The following ABCC10 variants were observed in gnomAD, a reference collection of about 807,000 sequenced individuals.
The protein encoded by ABCC10 is ATP binding cassette subfamily C member 10.
A neutral mutation model predicts 143.2 loss-of-function variants in ABCC10; 110 were observed. The observed-to-expected ratio is 0.77, with a 90% CI of 0.66 to 0.90. ABCC10 has a LOEUF of 0.90. Ranked by LOEUF, ABCC10 falls within the 40% of genes least tolerant of loss-of-function variation. The pLI is 0.00. For missense variants in ABCC10, 1,700 were observed against 1,900.5 expected, an observed-to-expected ratio of 0.89 and a Z score of 1.96; for synonymous variants, 805 against 846.7, an observed-to-expected ratio of 0.95 and a Z score of 0.85.
At chr6:43,445,089 G>C (rs1782891955) in intron 13 of ABCC10, 36 bp from the exon 14 acceptor site, 3 of 1,609,924 alleles carry the variant, frequency 1.9e-6, no homozygotes, top group African/African-American at 1.3e-5. Flanking sequence ...AGTGGCCCTA[G>C]TTTTGGTTAC....
intron 18 of ABCC10, 181 bp downstream of exon 18, chr6:43,448,118 T>C: frequency 1.0e-6 from 1 of 968,264 alleles, no homozygotes; most frequent in Non-Finnish European, 1.6e-6. Context: ...TCCAGATTCA[T>C]GGCTGGTGAT....
chr6:43,448,887 G>T lies in ABCC10; in HGVS notation c.3966G>T (p.Gln1322His), dbSNP rs774179583. 1 of 1,612,122 alleles carries T rather than the reference G, an allele frequency of 6.2e-7. No homozygotes were observed. The highest frequency in any genetic ancestry group is 8.5e-7 in the Non-Finnish European group (1 of 1,179,274). Reference protein sequence around the residue: ...SQLELAQLRSQLAIIPQEPFL... With the variant: ...SQLELAQLRSHLAIIPQEPFL... ...CCATGTCATTGTCCCCCAGATCCCA[G>T]TTGGCTATCATCCCCCAGGAGCCCT... is the stretch of plus-strand genomic sequence containing the variant. The change falls in exon 19 of 22, where the codon CAG becomes CAT. Residue 1322 changes from glutamine (Q) to histidine (H), a missense_variant. Physicochemically the swap from Gln to His is conservative, Grantham distance 24. Coordinates refer to ENST00000372530, the MANE Select transcript of ABCC10 (RefSeq NM_001198934.2).
Position 43,427,763 on chromosome 6 carries a change from T to TGACC in ABCC10, c.-12+7_-12+10dup. ...GGGGAAAAACAGATGGCAAGGTGGG[T>TGACC]GACCAGCGTCCAGAAATCCACTGGG... On this transcript the variant is annotated splice_region_variant and intron_variant, in intron 1 of 21. Coordinates refer to ENST00000372530, the MANE Select transcript of ABCC10 (RefSeq NM_001198934.2). 1 of 612,494 alleles carries TGACC rather than the reference T, an allele frequency of 1.6e-6. No homozygotes were observed. Among genetic ancestry groups the TGACC allele is most frequent in the South Asian group, 1.9e-5 (1 of 51,962 alleles). 37.9% of individuals were successfully genotyped at this position (612,494 alleles called of 1,614,324 possible).
rs150253600 is a variant in ABCC10 at position 43,447,294 on chromosome 6, G to C, written c.3591G>C (p.Leu1197=). The change falls in exon 17 of 22, where the codon CTG becomes CTC. Residue 1197 remains leucine (L), a synonymous_variant. Transcript: ENST00000372530. The part of the protein sequence containing the change: ...SLSYALSLTG[L]LSGLVSSFTQ... Reference sequence around the variant, plus strand: ...CTTATGCCCTGTCCCTGACGGGCCTGCTCTCGGGCCTGGTGAGCAGCTTCA... The same window carrying C: ...CTTATGCCCTGTCCCTGACGGGCCTCCTCTCGGGCCTGGTGAGCAGCTTCA... 1.9e-6 allele frequency: 3 copies of C among 1,613,576 alleles called. No individual in the cohort carries two copies. The African/African-American group carries it at 4.0e-5, about 22-fold the overall frequency.
At position 43,447,742 on chromosome 6, in the gene ABCC10, A is replaced by G; in HGVS notation, c.3764A>G (p.Tyr1255Cys). Residue 1255 changes from tyrosine (Y) to cysteine (C), a missense_variant, in exon 18 of 22, where the codon TAC (tyrosine) becomes TGC (cysteine). Coordinates refer to ENST00000372530, the MANE Select transcript of ABCC10 (RefSeq NM_001198934.2). The stretch of plus-strand genomic sequence containing the variant: ...GAGTTCCAGGACGTGGTGTTGGCGT[A>G]CCGGCCAGGGCTGCCGAATGCCCTG... ...GVEFQDVVLA[Y>C]RPGLPNALDG... is the part of the protein sequence containing the mutation. 5 of 1,613,946 alleles carry G rather than the reference A, an allele frequency of 3.1e-6. No individual in the cohort carries two copies. Among genetic ancestry groups the G allele is most frequent in the Non-Finnish European group, 4.2e-6 (5 of 1,179,998 alleles).
chr6:43,447,740 G>T lies in ABCC10; in HGVS notation c.3762G>T (p.Ala1254=). The T allele has an allele frequency of 6.2e-7, 1 of 1,614,040 alleles. No individual in the cohort carries two copies. Among genetic ancestry groups the T allele is most frequent in the Non-Finnish European group, 8.5e-7 (1 of 1,180,014 alleles). The change falls in exon 18 of 22, where the codon GCG becomes GCT. Residue 1254 remains alanine, a synonymous_variant. Transcript: ENST00000372530. ...GGVEFQDVVL[A]YRPGLPNALD... ...TGGAGTTCCAGGACGTGGTGTTGGC[G>T]TACCGGCCAGGGCTGCCGAATGCCC...
chr6:43,434,501 G>C (rs553235073), intron 3 of ABCC10, 120 bp from the exon 4 acceptor site: 2 of 890,762 alleles, frequency 2.2e-6, no homozygotes, highest in East Asian at 4.8e-5. Flanking sequence ...CTAGGGCAGT[G>C]CAGAGTATCT....
chr6:43,436,036 T>C, intron 5 of ABCC10, 102 bp from the exon 6 acceptor site: 1 of 1,603,110 alleles, frequency 6.2e-7, no homozygotes. Context: ...CATTTAGCTT[T>C]GGGCAGGTAG....
At chr6:43,434,885 G>T in intron 4 of ABCC10, 37 bp downstream of exon 4, 1 of 1,596,846 alleles carries the variant, frequency 6.3e-7, no homozygotes, top group South Asian at 1.1e-5. Context: ...GCATCAAGGA[G>T]ACTTCAGCGA....
rs768991641 is a variant in ABCC10, at chr6:43,445,198, G to A, written c.2914G>A (p.Ala972Thr). Reference protein sequence around the residue: ...SDIRFYLTVYATIAGVNSLCT... With the variant: ...SDIRFYLTVYTTIAGVNSLCT... Reference sequence around the variant, plus strand: ...CATCCGTTTCTACCTCACCGTGTATGCGACCATTGCTGGTGTAAATTCCCT... The same window carrying A: ...CATCCGTTTCTACCTCACCGTGTATACGACCATTGCTGGTGTAAATTCCCT... The change falls in exon 14 of 22, where the codon GCG becomes ACG. Residue 972 changes from alanine to threonine, a missense_variant. By Grantham distance (58) the Ala-to-Thr change is moderately conservative. Coordinates refer to ENST00000372530, the MANE Select transcript of ABCC10 (RefSeq NM_001198934.2). 1.2e-6 allele frequency: 2 copies of A among 1,613,982 alleles called. No homozygotes were observed. The highest frequency in any genetic ancestry group is 1.7e-6 in the Non-Finnish European group (2 of 1,179,990).
chr6:43,431,847 G>A, intron 2 of ABCC10: 5 of 1,263,374 alleles, frequency 4.0e-6, no homozygotes, highest in Non-Finnish European at 5.0e-6. Context: ...CCTCAAAATT[G>A]TTAATGTCTG....
intron 2 of ABCC10, among the ~76,000 whole-genome samples, chr6:43,428,922 A>T (rs1780795167): frequency 6.6e-6 from 1 of 152,200 alleles, no homozygotes; most frequent in South Asian, 2.1e-4. Context: ...ATGCTAGGTG[A>T]TTAAACCCTT....
In ABCC10 at chr6:43,434,772, C is replaced by G; in HGVS notation, c.1532C>G (p.Ala511Gly). The change falls in exon 4 of 22, where the codon GCT (alanine) becomes GGT (glycine). Residue 511 changes from alanine to glycine, a missense_variant. By Grantham distance (60) the Ala-to-Gly change is moderately conservative. Transcript: ENST00000372530. The part of the protein sequence containing the change: ...YLDAACVYLW[A>G]ALPVVISIVI... ...GATGCGGCCTGTGTATACCTGTGGG[C>G]TGCCCTACCGGTTGTCATCTCCATC... 6.2e-7 allele frequency: 1 copy of G among 1,614,196 alleles called. No individual in the cohort carries two copies. The highest frequency in any genetic ancestry group is 8.5e-7 in the Non-Finnish European group (1 of 1,180,030).
rs147197045 is a variant in ABCC10 at position 43,432,704 on chromosome 6, C to T, written c.724C>T (p.Arg242Trp). ...GGCCCGTGGGGCCTGTGGAGAGCTC[C>T]GGCAGCCTCAGGACATTTGCCGCCT... The part of the protein sequence containing the change: ...LLARGACGEL[R>W]QPQDICRLPH... The change falls in exon 3 of 22, where the codon CGG becomes TGG. Residue 242 changes from arginine (R) to tryptophan (W), a missense_variant. Physicochemically the swap from Arg to Trp is moderately radical, Grantham distance 101. Transcript: ENST00000372530. 24 of 1,613,742 alleles carry T rather than the reference C, an allele frequency of 1.5e-5. No homozygotes were observed. Among genetic ancestry groups the T allele is most frequent in the Middle Eastern group, 1.6e-4 (1 of 6,084 alleles).
chr6:43,428,213 A>G, intron 2 of ABCC10, 74 bp downstream of exon 2: 3 of 1,419,266 alleles, frequency 2.1e-6, no homozygotes, highest in Non-Finnish European at 2.8e-6. Context: ...ATCTTCCGGC[A>G]GTGTCACCAG....
downstream of ABCC10, chr6:43,450,707 G>T (rs768782924): frequency 6.2e-7 from 1 of 1,614,062 alleles, no homozygotes; most frequent in South Asian, 1.1e-5. The surrounding 1 kb of genome is among the most constrained non-coding windows in gnomAD (Gnocchi z 4.5). Context: ...AGGCCCTCAG[G>T]GTCAGCAACA....
At chr6:43,450,853 G>T (rs201087688), downstream of ABCC10, 349 of 1,614,142 alleles carry the variant, frequency 2.2e-4, 1 homozygote, top group East Asian at 6.5e-3. The surrounding 1 kb of genome is among the most constrained non-coding windows in gnomAD (Gnocchi z 4.5). Flanking sequence ...CCTGCGCTGT[G>T]GGGGGCTGGC....
chr6:43,444,064 G>C, intron 11 of ABCC10, 54 bp downstream of exon 11: 1 of 1,607,642 alleles, frequency 6.2e-7, no homozygotes, highest in Non-Finnish European at 8.5e-7. Flanking sequence ...ACACTGTAGA[G>C]CTTTTTCTAC....
At chr6:43,431,422 G>A (rs768496486) in intron 2 of ABCC10, among the ~76,000 whole-genome samples, 5 of 151,960 alleles carry the variant, frequency 3.3e-5, no homozygotes, top group South Asian at 2.1e-4. Context: ...GTGCATTGGC[G>A]TGATCTCAGC....
Sources: allele counts gnomAD v4.1 joint callset (sites outside exome capture counted in the v4.1 genomes callset), GRCh38; gene constraint gnomAD v4.1.1; non-coding constraint Gnocchi (gnomAD v3.1); transcripts MANE v1.5; gene names NCBI Gene and HGNC (gene_info 2026-07-23, HGNC 2026-07-21).